MRPS6: variants seen among roughly 807,000 people sequenced by gnomAD.
MRPS6 encodes mitochondrial ribosomal protein S6, also known as small ribosomal subunit protein bS6m.
MRPS6 carries 6 observed loss-of-function variants against 13.1 expected under a neutral mutation model. That is an observed-to-expected ratio of 0.46 (90% CI 0.25 to 0.91). The LOEUF is 0.91. Ranked by LOEUF, MRPS6 falls within the 40% of genes least tolerant of loss-of-function variation. The probability of loss-of-function intolerance (pLI) is 0.18; values close to 1 mark genes in which losing one functional copy is unlikely to be tolerated. For synonymous variants in MRPS6, 61 were observed against 56.5 expected (o/e 1.08, Z -0.36); for missense variants, 164 against 155.6 (o/e 1.05, Z -0.29).
At chr21:34,121,182 TGG>T (rs1056148403) in intron 1 of MRPS6, among the ~76,000 whole-genome samples, 1 of 152,118 alleles carries the variant, frequency 6.6e-6, no homozygotes, top group African/African-American at 2.4e-5. Flanking sequence ...TCAGGAGAAC[TGG>T]GGGATGGAGG....
chr21:34,096,017 A>T lies in MRPS6; in HGVS notation c.45+22272A>T, dbSNP rs760522860. Reference sequence around the variant, plus strand: ...TTCTTGGGCAGACCCCAGCTTCAGTATGGTACTGGTGTGCTGACCAAGTCA... The same window carrying T: ...TTCTTGGGCAGACCCCAGCTTCAGTTTGGTACTGGTGTGCTGACCAAGTCA... On this transcript the variant is annotated intron_variant, in intron 1 of 2. Transcript: ENST00000399312. This position sits in a 1 kb window ranked among gnomAD's most constrained non-coding sequence, Gnocchi z 5.9. 5.0e-6 allele frequency: 8 copies of T among 1,614,108 alleles called. No individual in the cohort carries two copies. The South Asian group carries it at 8.8e-5, about 18-fold the overall frequency.
At chr21:34,098,518 G>A (rs1417807818) in intron 1 of MRPS6, 2 of 999,596 alleles carry the variant, frequency 2.0e-6, no homozygotes, top group Non-Finnish European at 2.4e-6. Flanking sequence ...CATTTTTGTT[G>A]TAGTGACTTA....
chr21:34,128,327 G>A (rs1233687343), intron 2 of MRPS6, among the ~76,000 whole-genome samples: 3 of 152,118 alleles, frequency 2.0e-5, no homozygotes, highest in Admixed American at 6.5e-5. Flanking sequence ...CTGTGTATTG[G>A]GCAATTGCCT....
At chr21:34,077,668 T>C (rs1989366151) in intron 1 of MRPS6, among the ~76,000 whole-genome samples, 1 of 152,250 alleles carries the variant, frequency 6.6e-6, no homozygotes, top group East Asian at 1.9e-4. Flanking sequence ...GTAATTTTTA[T>C]GTTTAATACT....
At chr21:34,135,346 G>GATTT in intron 2 of MRPS6, 1 of 146,426 alleles carries the variant, frequency 6.8e-6, no homozygotes, top group South Asian at 8.9e-5. Context: ...ATGAGAGCCG[G>GATTT]TTTTTTTTTT....
At chr21:34,085,342 G>A (rs1051994060) in intron 1 of MRPS6, among the ~76,000 whole-genome samples, 1 of 152,102 alleles carries the variant, frequency 6.6e-6, no homozygotes, top group South Asian at 2.1e-4. Flanking sequence ...GCATCACACC[G>A]GGAGGCATAC....
intron 1 of MRPS6, among the ~76,000 whole-genome samples, chr21:34,080,581 C>T (rs1989436186): frequency 6.6e-6 from 1 of 152,178 alleles, no homozygotes; most frequent in South Asian, 2.1e-4. Flanking sequence ...ATATCAAGGG[C>T]CTGCAACATT....
At chr21:34,127,960 C>A (rs920747258) in intron 2 of MRPS6, among the ~76,000 whole-genome samples, 3 of 152,170 alleles carry the variant, frequency 2.0e-5, no homozygotes, top group Non-Finnish European at 4.4e-5. Flanking sequence ...TACGGCAAGG[C>A]GCTGATTTGA....
intron 2 of MRPS6, among the ~76,000 whole-genome samples, chr21:34,139,920 A>C (rs901405319): frequency 2.0e-5 from 3 of 152,126 alleles, no homozygotes; most frequent in African/African-American, 7.2e-5. Context: ...TTTAATATTT[A>C]TGAAATCTGT....
intron 2 of MRPS6, 148 bp downstream of exon 2, chr21:34,125,628 G>T (rs1980277242): frequency 8.2e-7 from 1 of 1,217,420 alleles, no homozygotes; most frequent in East Asian, 2.6e-5. Flanking sequence ...GCAGTCTTGT[G>T]TTGCAGATGG....
intron 1 of MRPS6, chr21:34,095,920 T>C: frequency 6.2e-7 from 1 of 1,614,102 alleles, no homozygotes; most frequent in Non-Finnish European, 8.5e-7. Flanking sequence ...TCTTGTAATG[T>C]CTCCCCTAAG....
rs1367335630 is a variant in MRPS6 at position 34,125,429 on chromosome 21, G to A, written c.134G>A (p.Arg45Gln). ...AGGGACTTGGAAAACCTGGGTGAAC[G>A]AGCGCTTCCTTATAGGATCTCTGCC... ...IVRDLENLGE[R>Q]ALPYRISAHS... Residue 45 changes from arginine (R) to glutamine (Q), a missense_variant, in exon 2 of 3, where the codon CGA becomes CAA. Arg to Gln is a conservative substitution (Grantham distance 43). Transcript: ENST00000399312. 1 of 1,614,070 alleles carries A rather than the reference G, an allele frequency of 6.2e-7. No homozygotes were observed. Among genetic ancestry groups the A allele is most frequent in the Non-Finnish European group, 8.5e-7 (1 of 1,179,960 alleles).
chr21:34,117,265 A>C (rs537855965), intron 1 of MRPS6, among the ~76,000 whole-genome samples: 1 of 152,152 alleles, frequency 6.6e-6, no homozygotes, highest in African/African-American at 2.4e-5. Flanking sequence ...TATAAATTTC[A>C]TAAGAATTTT....
chr21:34,104,401 A>AGAAT (rs1311493995), intron 1 of MRPS6: 7 of 1,000,104 alleles, frequency 7.0e-6, no homozygotes, highest in Admixed American at 1.2e-4. Flanking sequence ...TTGTTTATCA[A>AGAAT]GAATGAATGA....
intron 1 of MRPS6, among the ~76,000 whole-genome samples, chr21:34,092,955 G>A (rs1019874268): frequency 6.6e-6 from 1 of 152,162 alleles, no homozygotes; most frequent in African/African-American, 2.4e-5. Context: ...TGGAGGCAGG[G>A]TTTCATAACT....
intron 1 of MRPS6, among the ~76,000 whole-genome samples, chr21:34,116,880 C>A (rs1020814780): frequency 1.3e-5 from 2 of 152,088 alleles, no homozygotes; most frequent in African/African-American, 4.8e-5. Flanking sequence ...AGATAAATTC[C>A]CCTACACTCC....
chr21:34,102,261 C>T, intron 1 of MRPS6: 1 of 999,854 alleles, frequency 1.0e-6, no homozygotes, highest in Non-Finnish European at 1.2e-6. Context: ...CACCATTATT[C>T]ACTTAGTAGT....
At chr21:34,104,377 C>A in intron 1 of MRPS6, 1 of 1,000,210 alleles carries the variant, frequency 1.0e-6, no homozygotes, top group Non-Finnish European at 1.2e-6. Context: ...CTCCTCACTT[C>A]ACCTCCGAGT....
At chr21:34,120,739 A>G (rs1370511439) in intron 1 of MRPS6, among the ~76,000 whole-genome samples, 2 of 152,160 alleles carry the variant, frequency 1.3e-5, no homozygotes, top group Non-Finnish European at 2.9e-5. Flanking sequence ...TAAAATATTT[A>G]ATTAATTTCA....
Sources: allele counts gnomAD v4.1 joint callset (sites outside exome capture counted in the v4.1 genomes callset), GRCh38; gene constraint gnomAD v4.1.1; non-coding constraint Gnocchi (gnomAD v3.1); transcripts MANE v1.5; gene names NCBI Gene and HGNC (gene_info 2026-07-23, HGNC 2026-07-21).